The following RBFOX1 variants were observed in gnomAD, a reference collection of about 807,000 sequenced individuals.
RBFOX1 encodes the protein RNA binding fox-1 homolog 1, also known as RNA binding protein fox-1 homolog 1.
A neutral mutation model predicts 57.7 loss-of-function variants in RBFOX1; 8 were observed. The observed-to-expected ratio is 0.14, with a 90% CI of 0.08 to 0.25. The LOEUF is 0.25. Among genes scored for constraint, RBFOX1 ranks in the 10% least tolerant of loss-of-function variants. The pLI is 1.00. For missense variants in RBFOX1, 611 were observed against 548.5 expected, an observed-to-expected ratio of 1.11 and a Z score of -1.14; for synonymous variants, 326 against 222.4, an observed-to-expected ratio of 1.47 and a Z score of -4.15.
intron 4 of RBFOX1, among the ~76,000 whole-genome samples, chr16:7,320,589 G>C (rs1167557672): frequency 6.6e-6 from 1 of 152,236 alleles, no homozygotes; most frequent in Non-Finnish European, 1.5e-5. Flanking sequence ...TTAATGGACA[G>C]CTACCCAAAT....
At chr16:6,957,418 A>G (rs138861769) in intron 3 of RBFOX1, among the ~76,000 whole-genome samples, 143 of 151,306 alleles carry the variant, frequency 9.5e-4, no homozygotes, top group Non-Finnish European at 1.9e-3. Flanking sequence ...TTATTTCTTC[A>G]TGATATGCTA....
chr16:6,057,878 A>G (rs989470771), intron 1 of RBFOX1, among the ~76,000 whole-genome samples: 7 of 122,424 alleles, frequency 5.7e-5, no homozygotes, highest in African/African-American at 2.3e-4. Flanking sequence ...TCAGGTTACC[A>G]GAAGTAGGCA....
At chr16:7,520,734 A>G (rs2077350894) in intron 5 of RBFOX1, among the ~76,000 whole-genome samples, 2 of 152,200 alleles carry the variant, frequency 1.3e-5, no homozygotes, top group East Asian at 1.9e-4. Context: ...ACTACCAGGT[A>G]GTAGTGATGG....
At chr16:6,759,854 A>C (rs1603609427) in intron 3 of RBFOX1, among the ~76,000 whole-genome samples, 1 of 152,190 alleles carries the variant, frequency 6.6e-6, no homozygotes, top group African/African-American at 2.4e-5. Flanking sequence ...AAAATTACCC[A>C]AATGGCCTAT....
chr16:5,687,766 C>T (rs906584296), intron 3 of RBFOX1, among the ~76,000 whole-genome samples: 3 of 152,158 alleles, frequency 2.0e-5, no homozygotes, highest in African/African-American at 7.2e-5. Flanking sequence ...TTTCAAATCT[C>T]CACTAATGGC....
intron 10 of RBFOX1, among the ~76,000 whole-genome samples, chr16:7,615,330 C>T (rs888684021): frequency 3.4e-5 from 4 of 118,418 alleles, no homozygotes; most frequent in Non-Finnish European, 6.9e-5. Flanking sequence ...AAGACTCCAT[C>T]TCAAAATAAT....
At chr16:5,998,596 T>C (rs1374700998) in intron 4 of RBFOX1, among the ~76,000 whole-genome samples, 1 of 152,194 alleles carries the variant, frequency 6.6e-6, no homozygotes, top group Non-Finnish European at 1.5e-5. Flanking sequence ...GGGCTTTCAC[T>C]GAAGCAAGGT....
At chr16:5,263,960 C>G (rs202031054) in intron 1 of RBFOX1, among the ~76,000 whole-genome samples, 2 of 152,164 alleles carry the variant, frequency 1.3e-5, no homozygotes, top group East Asian at 3.9e-4. Context: ...TATCATTCAG[C>G]AGCCCTTGGG....
intron 4 of RBFOX1, among the ~76,000 whole-genome samples, chr16:7,110,824 C>G (rs760465870): frequency 6.6e-6 from 1 of 152,124 alleles, no homozygotes; most frequent in Admixed American, 6.5e-5. Context: ...GAATGTCTGT[C>G]TATATTTATT....
At chr16:6,338,647 G>C (rs2084097339) in intron 2 of RBFOX1, among the ~76,000 whole-genome samples, 1 of 152,158 alleles carries the variant, frequency 6.6e-6, no homozygotes, top group Non-Finnish European at 1.5e-5. Flanking sequence ...CACAACAGTG[G>C]CTACCTGGTT....
Position 5,716,121 on chromosome 16 carries a change from G to A in RBFOX1, c.318+117160G>A, listed in dbSNP as rs186167003. On this transcript the variant is annotated intron_variant, in intron 3 of 19. Transcript: ENST00000641259. ...AGAGATTCCATTTCACATTTCACATGTGTTTTTTCATTTAAATTTCACGTA... is the reference window on the plus strand; with the variant it reads ...AGAGATTCCATTTCACATTTCACATATGTTTTTTCATTTAAATTTCACGTA... Among the ~76,000 whole-genome samples, 32 of 152,300 alleles carry A rather than the reference G, an allele frequency of 2.1e-4. No individual in the cohort carries two copies. The East Asian group carries it at 5.4e-3, about 26-fold the overall frequency.
At chr16:5,761,132 G>T (rs1483429624) in intron 3 of RBFOX1, among the ~76,000 whole-genome samples, 1 of 152,136 alleles carries the variant, frequency 6.6e-6, no homozygotes, top group Admixed American at 6.5e-5. Context: ...AAGGGGTAGT[G>T]TTTCAAGCAA....
rs191365372 is a variant in RBFOX1, at chr16:6,146,712, G to T, written c.-127+126720G>T. 2.0e-5 allele frequency among the ~76,000 whole-genome samples: 3 copies of T among 152,138 alleles called. No individual in the cohort carries two copies. In the East Asian group the frequency reaches 5.8e-4, roughly 29 times the overall value. On this transcript the variant is annotated intron_variant, in intron 1 of 15. Transcript: ENST00000550418. ...TACTGAATCAAGCTGTTATTTTTTT[G>T]AAAGTGATATCATCATCTTTGCTGT...
intron 2 of RBFOX1, among the ~76,000 whole-genome samples, chr16:6,618,774 C>T (rs1244807109): frequency 6.6e-6 from 1 of 152,130 alleles, no homozygotes; most frequent in Non-Finnish European, 1.5e-5. Flanking sequence ...CCAAAGAATC[C>T]ACCAACACAG....
intron 5 of RBFOX1, among the ~76,000 whole-genome samples, chr16:7,523,519 G>A (rs190840317): frequency 1.2e-3 from 184 of 152,286 alleles, no homozygotes; most frequent in African/African-American, 4.3e-3. Context: ...GGCAATGGAT[G>A]CCCGAATTTG....
intron 1 of RBFOX1, among the ~76,000 whole-genome samples, chr16:6,238,117 A>C (rs548430444): frequency 7.3e-5 from 11 of 151,564 alleles, no homozygotes; most frequent in African/African-American, 2.7e-4. Context: ...AAAAAGAAAG[A>C]AAAGCCTGCC....
At chr16:6,237,319 A>G (rs1459279513) in intron 1 of RBFOX1, among the ~76,000 whole-genome samples, 1 of 152,216 alleles carries the variant, frequency 6.6e-6, no homozygotes, top group Non-Finnish European at 1.5e-5. Context: ...CCTGTGGAAG[A>G]AGTTTGAGAG....
intron 3 of RBFOX1, among the ~76,000 whole-genome samples, chr16:6,808,178 G>GTGTGTGTGTGTGTGTATATA (rs1318609964): frequency 1.4e-5 from 2 of 145,574 alleles, no homozygotes; most frequent in African/African-American, 5.2e-5. Context: ...GTGTGTGTGT[G>GTGTGTGTGTGTGTGTATATA]TATATATATA....
intron 3 of RBFOX1, among the ~76,000 whole-genome samples, chr16:6,802,211 C>A (rs374540874): frequency 1.3e-5 from 2 of 152,092 alleles, no homozygotes; most frequent in Non-Finnish European, 2.9e-5. Flanking sequence ...TGGGCTCTGG[C>A]TGCCTCAGCT....
Sources: gnomAD v4.1 joint callset for allele counts (sites outside exome capture counted in the v4.1 genomes callset) on GRCh38, gnomAD v4.1.1 for gene constraint, MANE v1.5 for transcripts, NCBI Gene and HGNC (gene_info 2026-07-23, HGNC 2026-07-21) for gene names.